PIGK: variants seen among roughly 807,000 people sequenced by gnomAD.
PIGK encodes the protein GPI-anchor transamidase.
A neutral mutation model predicts 50.6 loss-of-function variants in PIGK; 42 were observed. The ratio of observed to expected loss-of-function variants is 0.83; its 90% CI spans 0.65 to 1.07. PIGK has a LOEUF of 1.07. PIGK is among the 50% of genes least tolerant of loss of function. The probability of loss-of-function intolerance (pLI) is 0.00; values close to 1 mark genes in which losing one functional copy is unlikely to be tolerated. For synonymous variants in PIGK, 151 were observed against 156.0 expected, an observed-to-expected ratio of 0.97 and a Z score of 0.24; for missense variants, 448 against 488.7, an observed-to-expected ratio of 0.92 and a Z score of 0.78.
chr1:77,151,659 T>C (rs1557807101), intron 9 of PIGK, among the ~76,000 whole-genome samples: 2 of 152,078 alleles, frequency 1.3e-5, no homozygotes, highest in South Asian at 2.1e-4. Context: ...TTTTAGGATA[T>C]AACATCAACA....
At chr1:77,160,531 T>G (rs1356965367) in intron 8 of PIGK, among the ~76,000 whole-genome samples, 1 of 152,202 alleles carries the variant, frequency 6.6e-6, no homozygotes, top group East Asian at 1.9e-4. Flanking sequence ...ATCTGCCTCT[T>G]TCATTAGGAA....
At chr1:77,167,775 C>A (rs538619092) in intron 4 of PIGK, among the ~76,000 whole-genome samples, 60 of 152,142 alleles carry the variant, frequency 3.9e-4, no homozygotes, top group African/African-American at 1.4e-3. Flanking sequence ...ATTATTAATC[C>A]CTCTGCATAG....
At chr1:77,098,366 T>C (rs1183207722) in intron 10 of PIGK, among the ~76,000 whole-genome samples, 2 of 151,942 alleles carry the variant, frequency 1.3e-5, no homozygotes, top group Non-Finnish European at 2.9e-5. Context: ...AGGGTCTTTG[T>C]CACACAGGCT....
chr1:77,208,490 A>G (rs982888497), intron 2 of PIGK, among the ~76,000 whole-genome samples: 3 of 152,160 alleles, frequency 2.0e-5, no homozygotes, highest in African/African-American at 7.2e-5. Context: ...GCCCTTTGCA[A>G]TTGGTGGTCT....
intron 10 of PIGK, among the ~76,000 whole-genome samples, chr1:77,115,619 T>C (rs1357447541): frequency 6.6e-6 from 1 of 152,084 alleles, no homozygotes; most frequent in Non-Finnish European, 1.5e-5. Flanking sequence ...GGATACTGTA[T>C]GAACTGGTTA....
intron 9 of PIGK, among the ~76,000 whole-genome samples, chr1:77,142,633 G>A (rs944130313): frequency 2.0e-5 from 3 of 152,072 alleles, no homozygotes; most frequent in African/African-American, 7.2e-5. Flanking sequence ...AAGGCAAAGG[G>A]GAAGCAAGGA....
intron 1 of PIGK, among the ~76,000 whole-genome samples, chr1:77,210,944 A>C (rs1656404552): frequency 6.6e-6 from 1 of 151,996 alleles, no homozygotes; most frequent in Admixed American, 6.6e-5. Flanking sequence ...ATATCTTTCT[A>C]TTTCCCGTAC....
At chr1:77,093,838 T>A (rs961397796) in intron 10 of PIGK, among the ~76,000 whole-genome samples, 3 of 152,082 alleles carry the variant, frequency 2.0e-5, no homozygotes, top group Non-Finnish European at 4.4e-5. Context: ...CCCTCTAATA[T>A]CCTACAAGAC....
chr1:77,164,562 T>A (rs1423814116), intron 5 of PIGK, among the ~76,000 whole-genome samples: 1 of 152,018 alleles, frequency 6.6e-6, no homozygotes, highest in Admixed American at 6.6e-5. Flanking sequence ...AAAAAACTAG[T>A]CTCCTCACCT....
chr1:77,194,964 G>A, intron 3 of PIGK: 1 of 615,082 alleles, frequency 1.6e-6, no homozygotes, highest in South Asian at 1.4e-5. Flanking sequence ...CTGCTTAAGT[G>A]TGGAGCAGAG....
At chr1:77,101,665 C>A (rs1189085482) in intron 10 of PIGK, among the ~76,000 whole-genome samples, 2 of 152,192 alleles carry the variant, frequency 1.3e-5, no homozygotes, top group African/African-American at 4.8e-5. Flanking sequence ...TAGTGATCAA[C>A]TGTATAATCT....
chr1:77,201,541 C>T (rs1193441872), intron 3 of PIGK, among the ~76,000 whole-genome samples: 3 of 152,188 alleles, frequency 2.0e-5, no homozygotes, highest in African/African-American at 7.2e-5. Context: ...GGGTGGATCA[C>T]TTGAGGCCAG....
intron 3 of PIGK, among the ~76,000 whole-genome samples, chr1:77,182,421 T>A (rs569070708): frequency 2.6e-5 from 4 of 152,244 alleles, no homozygotes; most frequent in African/African-American, 9.6e-5. Flanking sequence ...TGGGTCTGCC[T>A]TTCCCAGCCT....
chr1:77,156,355 C>T (rs1456357401), intron 8 of PIGK, among the ~76,000 whole-genome samples: 1 of 152,160 alleles, frequency 6.6e-6, no homozygotes, highest in East Asian at 1.9e-4. Flanking sequence ...TATGAAGTCA[C>T]TCCTTTCTTT....
chr1:77,103,205 T>A (rs1166838693), intron 10 of PIGK, among the ~76,000 whole-genome samples: 1 of 152,206 alleles, frequency 6.6e-6, no homozygotes, highest in East Asian at 1.9e-4. Context: ...TCCTTCAAGT[T>A]ATAATGCAAT....
At chr1:77,182,073 G>A (rs1655628292) in intron 3 of PIGK, among the ~76,000 whole-genome samples, 2 of 152,122 alleles carry the variant, frequency 1.3e-5, no homozygotes, top group Non-Finnish European at 2.9e-5. Context: ...TGAAAAAATT[G>A]CACTGCAGAC....
chr1:77,170,003 A>G (rs1655324540), intron 3 of PIGK, among the ~76,000 whole-genome samples: 1 of 152,150 alleles, frequency 6.6e-6, no homozygotes, highest in Admixed American at 6.5e-5. Context: ...CCCTAACACC[A>G]GCAACCACCA....
intron 10 of PIGK, among the ~76,000 whole-genome samples, chr1:77,095,091 AT>A (rs1323177992): frequency 6.6e-6 from 1 of 152,138 alleles, no homozygotes; most frequent in Admixed American, 6.6e-5. Flanking sequence ...CGTTCAATAC[AT>A]TTTTTTGATT....
At chr1:77,094,050 C>T (rs1653356653) in intron 10 of PIGK, among the ~76,000 whole-genome samples, 1 of 152,094 alleles carries the variant, frequency 6.6e-6, no homozygotes, top group Non-Finnish European at 1.5e-5. Flanking sequence ...GTGAACTAAA[C>T]AAGACTACTG....
Sources: gnomAD v4.1 joint callset for allele counts (sites outside exome capture counted in the v4.1 genomes callset) on GRCh38, gnomAD v4.1.1 for gene constraint, MANE v1.5 for transcripts, NCBI Gene and HGNC (gene_info 2026-07-23, HGNC 2026-07-21) for gene names.